Variants in NETO2 observed in about 807,000 individuals in gnomAD.
The protein encoded by NETO2 is neuropilin and tolloid-like protein 2.
Under a neutral mutation model 62.5 loss-of-function variants are expected in NETO2, and 28 were observed. The observed-to-expected ratio is 0.45, with a 90% CI of 0.33 to 0.61. The LOEUF is 0.61. Among genes scored for constraint, NETO2 ranks in the 20% least tolerant of loss-of-function variants. The pLI is 0.02. For missense variants in NETO2, 548 were observed against 643.2 expected, an observed-to-expected ratio of 0.85 and a Z score of 1.60; for synonymous variants, 214 against 219.1, an observed-to-expected ratio of 0.98 and a Z score of 0.21.
Position 47,132,821 on chromosome 16 carries a change from G to T in NETO2, c.35-796C>A, listed in dbSNP as rs551774458. ...CACCAAGGATGCACAGGTGTGGAGA[G>T]AGAAATCGAGCAAAATGGTTAAGAG... On this transcript the variant is annotated intron_variant, in intron 1 of 8. Transcript: ENST00000562435. Among the ~76,000 whole-genome samples, 7 of 152,322 alleles carry T rather than the reference G, an allele frequency of 4.6e-5. No homozygotes were observed. The South Asian group carries it at 1.5e-3, about 32-fold the overall frequency.
At position 47,122,950 on chromosome 16, in the gene NETO2, A is replaced by C. The variant is rs373379193; in HGVS notation, c.482-38T>G. 14 of 1,585,866 alleles carry C rather than the reference A, an allele frequency of 8.8e-6. No homozygotes were observed. In the African/African-American group the frequency reaches 1.8e-4, roughly 20 times the overall value. On this transcript the variant is annotated intron_variant, in intron 4 of 8. Coordinates refer to ENST00000562435, the MANE Select transcript of NETO2 (RefSeq NM_018092.5). ...AAAGAAGAAAGTCATTGGTACTGAG[A>C]TAGTTACTTTAATCCTCGATGTCTT...
chr16:47,139,885 T>C (rs573384609), intron 1 of NETO2, among the ~76,000 whole-genome samples: 4 of 152,364 alleles, frequency 2.6e-5, no homozygotes, highest in Admixed American at 1.3e-4. Flanking sequence ...TCAGTCCTCC[T>C]GACTGTACAG....
Position 47,126,278 on chromosome 16 carries a change from T to C in NETO2, c.481+2047A>G, listed in dbSNP as rs113050661. Among the ~76,000 whole-genome samples the C allele has an allele frequency of 2.9e-3, 446 of 152,246 alleles. 4 individuals carry two copies. The highest frequency in any genetic ancestry group is 5.3e-3 in the Non-Finnish European group (361 of 67,998). On this transcript the variant is annotated intron_variant, in intron 4 of 8. Coordinates refer to ENST00000562435, the MANE Select transcript of NETO2 (RefSeq NM_018092.5). ...TTCAGTAGAATGAATACACAAACCATGGTACATCTAGACAATGAAGTATTA... is the reference window on the plus strand; with the variant it reads ...TTCAGTAGAATGAATACACAAACCACGGTACATCTAGACAATGAAGTATTA...
At chr16:47,142,973 G>A (rs1964491529) in intron 1 of NETO2, among the ~76,000 whole-genome samples, 1 of 151,900 alleles carries the variant, frequency 6.6e-6, no homozygotes, top group East Asian at 1.9e-4. Context: ...CCGGGGGCCG[G>A]GACAAGCCGG....
intron 7 of NETO2, among the ~76,000 whole-genome samples, chr16:47,092,017 C>T (rs565919065): frequency 6.6e-6 from 1 of 150,770 alleles, no homozygotes; most frequent in South Asian, 2.1e-4. Flanking sequence ...TCATTTAAAA[C>T]TGTTTTGGTT....
chr16:47,088,880 A>AT (rs1397312037), intron 7 of NETO2, among the ~76,000 whole-genome samples: 1 of 152,216 alleles, frequency 6.6e-6, no homozygotes, highest in Non-Finnish European at 1.5e-5. Flanking sequence ...AAAAACAGGC[A>AT]TTTATTAGGT....
chr16:47,105,057 T>G (rs773195715), intron 7 of NETO2, among the ~76,000 whole-genome samples: 3 of 150,462 alleles, frequency 2.0e-5, no homozygotes, highest in Non-Finnish European at 3.0e-5. Context: ...TAAAGAAAAA[T>G]AGAGATGGGG....
chr16:47,113,631 G>A (rs1041836391), intron 6 of NETO2, among the ~76,000 whole-genome samples: 1 of 123,602 alleles, frequency 8.1e-6, no homozygotes, highest in Non-Finnish European at 1.6e-5. Flanking sequence ...TGCTCTTGTC[G>A]CCCAGGCTGG....
At chr16:47,122,074 T>C (rs1401592914) in intron 6 of NETO2, among the ~76,000 whole-genome samples, 3 of 152,226 alleles carry the variant, frequency 2.0e-5, no homozygotes, top group Non-Finnish European at 4.4e-5. Context: ...GCATTAAATA[T>C]AATTTTAACT....
intron 1 of NETO2, among the ~76,000 whole-genome samples, chr16:47,140,562 A>T (rs1415983574): frequency 1.3e-5 from 2 of 152,222 alleles, no homozygotes; most frequent in African/African-American, 4.8e-5. Flanking sequence ...ATGAAAGATA[A>T]ACCAGATTGC....
In NETO2 at chr16:47,083,473, C is replaced by T. The variant is rs1360971155; in HGVS notation, c.1326G>A (p.Ser442=). ...TGCTTTGTTTGACGCTGGAGGCCTG[C>T]GACCCACAGTGGTGGTCGTGGATGC... The part of the protein sequence containing the change: ...SRCIHDHHCG[S]QASSVKQSRT... The change falls in exon 9 of 9, where the codon TCG becomes TCA. Residue 442 remains serine (S), a synonymous_variant. Transcript: ENST00000562435. 9 of 1,614,160 alleles carry T rather than the reference C, an allele frequency of 5.6e-6. No individual in the cohort carries two copies. Among genetic ancestry groups the T allele is most frequent in the Middle Eastern group, 3.3e-4 (2 of 6,062 alleles).
chr16:47,109,863 C>A (rs978158574), intron 6 of NETO2, 152 bp from the exon 7 acceptor site: 2 of 600,970 alleles, frequency 3.3e-6, no homozygotes, highest in Non-Finnish European at 5.8e-6. Flanking sequence ...GTGAGAGGAA[C>A]TAAGATTAAT....
intron 3 of NETO2, 107 bp downstream of exon 3, chr16:47,129,117 T>C: frequency 9.9e-7 from 1 of 1,011,318 alleles, no homozygotes; most frequent in Non-Finnish European, 1.5e-6. Context: ...TTAATTCAAA[T>C]ACATGTTTAA....
At chr16:47,091,319 T>C (rs531569555) in intron 7 of NETO2, among the ~76,000 whole-genome samples, 155 of 152,286 alleles carry the variant, frequency 1.0e-3, no homozygotes, top group Non-Finnish European at 1.9e-3. Flanking sequence ...GAGGGAGGCT[T>C]TTCACCTGTT....
intron 6 of NETO2, among the ~76,000 whole-genome samples, chr16:47,112,500 C>T (rs189183030): frequency 9.9e-5 from 15 of 152,184 alleles, no homozygotes; most frequent in Admixed American, 5.2e-4. Context: ...TTGGGACTAC[C>T]GGTGTGCACC....
In NETO2 at chr16:47,080,057, T is replaced by G. The variant is rs1203551913; in HGVS notation, c.*3164A>C. 2.0e-5 allele frequency: 3 copies of G among 152,224 alleles called. No individual in the cohort carries two copies. Among genetic ancestry groups the G allele is most frequent in the Non-Finnish European group, 4.4e-5 (3 of 68,030 alleles). 9.4% of individuals were successfully genotyped at this position (152,224 alleles called of 1,614,324 possible). On this transcript the variant is annotated 3_prime_UTR_variant, in exon 9 of 9. Transcript: ENST00000562435. ...ATGACAAAGACACTGACATAAGCGC[T>G]GTCGGGTTAAAGGAGTCTTTGAAAT...
chr16:47,086,895 T>C (rs1287842228), intron 7 of NETO2, among the ~76,000 whole-genome samples: 2 of 152,194 alleles, frequency 1.3e-5, no homozygotes, highest in African/African-American at 4.8e-5. Flanking sequence ...AAAATGCCCA[T>C]TGATGGGTGG....
chr16:47,115,732 C>CACACATATATATATATAT (rs1555498143), intron 6 of NETO2, among the ~76,000 whole-genome samples: 2 of 134,492 alleles, frequency 1.5e-5, no homozygotes, highest in African/African-American at 6.4e-5. Flanking sequence ...TATATATATA[C>CACACATATATATATATAT]ATGTATATAT....
intron 1 of NETO2, among the ~76,000 whole-genome samples, chr16:47,135,196 G>T (rs1964342374): frequency 6.6e-6 from 1 of 152,106 alleles, no homozygotes; most frequent in Non-Finnish European, 1.5e-5. Flanking sequence ...TTATAATCAG[G>T]CTGAGATATT....
Sources: gnomAD v4.1 joint callset for allele counts (sites outside exome capture counted in the v4.1 genomes callset) on GRCh38, gnomAD v4.1.1 for gene constraint, MANE v1.5 for transcripts, NCBI Gene and HGNC (gene_info 2026-07-23, HGNC 2026-07-21) for gene names.